SGMS1: variants seen among roughly 807,000 people sequenced by gnomAD.
The protein encoded by SGMS1 is phosphatidylcholine:ceramide cholinephosphotransferase 1.
A neutral mutation model predicts 46.2 loss-of-function variants in SGMS1; 13 were observed. The observed-to-expected ratio is 0.28, with a 90% CI of 0.18 to 0.45. SGMS1 has a LOEUF of 0.45. SGMS1 is among the 20% of genes least tolerant of loss of function. The pLI is 1.00. For missense variants in SGMS1, 324 were observed against 519.9 expected, an observed-to-expected ratio of 0.62 and a Z score of 3.66; for synonymous variants, 203 against 187.8, an observed-to-expected ratio of 1.08 and a Z score of -0.66.
At chr10:50,562,243 A>G (rs1297727642) in intron 2 of SGMS1, among the ~76,000 whole-genome samples, 1 of 152,154 alleles carries the variant, frequency 6.6e-6, no homozygotes, top group East Asian at 1.9e-4. Flanking sequence ...TTATGTGATT[A>G]AAATGCAGAT....
chr10:50,483,131 G>A (rs769412450), intron 3 of SGMS1, among the ~76,000 whole-genome samples: 2 of 152,218 alleles, frequency 1.3e-5, no homozygotes, highest in Non-Finnish European at 2.9e-5. Flanking sequence ...CCAGGCTGGA[G>A]TGCAGTGGCA....
At chr10:50,579,547 C>G (rs911735677) in intron 2 of SGMS1, among the ~76,000 whole-genome samples, 1 of 152,100 alleles carries the variant, frequency 6.6e-6, no homozygotes, top group Non-Finnish European at 1.5e-5. Flanking sequence ...ACAGTCTTAG[C>G]CTTCTCACAA....
chr10:50,555,836 A>G (rs983808181), intron 2 of SGMS1, among the ~76,000 whole-genome samples: 5 of 152,250 alleles, frequency 3.3e-5, no homozygotes, highest in Admixed American at 2.6e-4. Context: ...TTGAGAAACT[A>G]TATTTCATAA....
intron 6 of SGMS1, among the ~76,000 whole-genome samples, chr10:50,389,898 G>T (rs540228025): frequency 9.3e-4 from 141 of 152,258 alleles, no homozygotes; most frequent in African/African-American, 2.9e-3. Context: ...TGTACTAATT[G>T]AAGATTTGTT....
chr10:50,598,903 C>T (rs776845687), intron 1 of SGMS1, among the ~76,000 whole-genome samples: 6 of 151,764 alleles, frequency 4.0e-5, no homozygotes, highest in Non-Finnish European at 7.4e-5. Flanking sequence ...GAGAAATACC[C>T]AGACAGGAAA....
chr10:50,528,300 ACT>A (rs1837922640), intron 2 of SGMS1, among the ~76,000 whole-genome samples: 1 of 152,028 alleles, frequency 6.6e-6, no homozygotes, highest in Non-Finnish European at 1.5e-5. Flanking sequence ...TTGAGGGACG[ACT>A]CTGTCCTCAG....
chr10:50,306,470 A>C lies in SGMS1; in HGVS notation c.*672T>G, dbSNP rs1401541750. ...AACTCTCTTCTCTCTGACATGTTAA[A>C]AATCTTTAAATTTGGTGTTCATAAC... On this transcript the variant is annotated 3_prime_UTR_variant, in exon 11 of 11. Transcript: ENST00000361781. The C allele has an allele frequency of 6.5e-6, 1 of 152,764 alleles. No individual in the cohort carries two copies. Among genetic ancestry groups the C allele is most frequent in the Non-Finnish European group, 1.5e-5 (1 of 68,036 alleles). The allele number at this position is 152,764 out of a possible 1,614,324, so 9.5% of individuals were successfully genotyped here.
At chr10:50,554,649 AC>A (rs1398920863) in intron 2 of SGMS1, among the ~76,000 whole-genome samples, 1 of 152,110 alleles carries the variant, frequency 6.6e-6, no homozygotes, top group Admixed American at 6.5e-5. Context: ...TGGCCCCACC[AC>A]AGCTCATCTA....
intron 2 of SGMS1, among the ~76,000 whole-genome samples, chr10:50,577,229 C>T (rs1246701099): frequency 6.6e-6 from 1 of 152,250 alleles, no homozygotes; most frequent in East Asian, 1.9e-4. Flanking sequence ...GATGACACAG[C>T]TCAGGAAAAC....
intron 5 of SGMS1, among the ~76,000 whole-genome samples, chr10:50,443,037 CAAAATAGAA>C (rs1387131589): frequency 2.0e-5 from 3 of 152,060 alleles, no homozygotes; most frequent in Non-Finnish European, 4.4e-5. Context: ...GCAAAAATTT[CAAAATAGAA>C]AACAAGCCAT....
intron 6 of SGMS1, among the ~76,000 whole-genome samples, chr10:50,410,746 A>AG (rs926230392): frequency 6.6e-6 from 1 of 152,194 alleles, no homozygotes; most frequent in Non-Finnish European, 1.5e-5. Context: ...GCCCCACCAT[A>AG]GGGGAAGACC....
chr10:50,415,976 A>G lies in SGMS1; in HGVS notation c.-232+17500T>C, dbSNP rs138794579. ...TAAAAGGTCTTCAGAAAAAAAGCAG[A>G]AGAAAGTTACCGGAGTTCAGCAACA... On this transcript the variant is annotated intron_variant, in intron 6 of 10. Transcript: ENST00000361781. 7.6e-3 allele frequency among the ~76,000 whole-genome samples: 1,159 copies of G among 152,318 alleles called. 10 individuals carry two copies. Among genetic ancestry groups the G allele is most frequent in the Middle Eastern group, 0.031 (9 of 294 alleles).
At chr10:50,439,157 A>G (rs891338743) in intron 5 of SGMS1, among the ~76,000 whole-genome samples, 32 of 152,270 alleles carry the variant, frequency 2.1e-4, no homozygotes, top group African/African-American at 7.5e-4. Context: ...AAAACATCCA[A>G]TTTTTATCTA....
intron 3 of SGMS1, among the ~76,000 whole-genome samples, chr10:50,497,909 T>C (rs1837629422): frequency 6.6e-6 from 1 of 152,248 alleles, no homozygotes; most frequent in Non-Finnish European, 1.5e-5. Flanking sequence ...GGTTTCACTT[T>C]GGACATATCT....
chr10:50,563,109 G>A (rs1198286003), intron 2 of SGMS1, among the ~76,000 whole-genome samples: 3 of 152,210 alleles, frequency 2.0e-5, no homozygotes, highest in African/African-American at 7.2e-5. Flanking sequence ...TAACGAACTA[G>A]TAAGTAGCTC....
chr10:50,349,831 A>G (rs1380563012), intron 6 of SGMS1, among the ~76,000 whole-genome samples: 1 of 151,894 alleles, frequency 6.6e-6, no homozygotes, highest in Non-Finnish European at 1.5e-5. Flanking sequence ...GTCCATTTAA[A>G]CCTCTTTTTC....
At chr10:50,372,551 G>A (rs1356515340) in intron 6 of SGMS1, among the ~76,000 whole-genome samples, 4 of 152,002 alleles carry the variant, frequency 2.6e-5, no homozygotes, top group African/African-American at 7.3e-5. Context: ...AAAATTAGCC[G>A]GGTATGGTGG....
chr10:50,487,517 T>A (rs888497081), intron 3 of SGMS1, among the ~76,000 whole-genome samples: 3 of 152,206 alleles, frequency 2.0e-5, no homozygotes, highest in Non-Finnish European at 2.9e-5. Context: ...AAATGCTTAC[T>A]TTCTGTATAA....
intron 1 of SGMS1, among the ~76,000 whole-genome samples, chr10:50,620,135 G>A (rs1455333967): frequency 2.6e-5 from 4 of 152,134 alleles, no homozygotes; most frequent in African/African-American, 7.2e-5. Context: ...CTGGGGCTCC[G>A]CCCACCCTTC....
Sources: allele counts gnomAD v4.1 joint callset (sites outside exome capture counted in the v4.1 genomes callset), GRCh38; gene constraint gnomAD v4.1.1; transcripts MANE v1.5; gene names NCBI Gene and HGNC (gene_info 2026-07-23, HGNC 2026-07-21).